Variants in MIOS observed in about 807,000 individuals in gnomAD.
The protein encoded by MIOS is GATOR2 complex protein MIOS.
MIOS carries 52 observed loss-of-function variants against 96.9 expected under a neutral mutation model. That is an observed-to-expected ratio of 0.54 (90% CI 0.43 to 0.68). The LOEUF is 0.68. Ranked by LOEUF, MIOS falls within the 30% of genes least tolerant of loss-of-function variation. The pLI, the probability that MIOS is intolerant of heterozygous loss-of-function variation, is 0.00. For synonymous variants in MIOS, 397 were observed against 359.5 expected, an observed-to-expected ratio of 1.10 and a Z score of -1.18; for missense variants, 1,005 against 1,052.8, an observed-to-expected ratio of 0.95 and a Z score of 0.63.
chr7:7,597,782 T>C (rs1424985723), intron 11 of MIOS, among the ~76,000 whole-genome samples: 1 of 151,702 alleles, frequency 6.6e-6, no homozygotes, highest in African/African-American at 2.4e-5. Flanking sequence ...CACGGCAACC[T>C]CTGCCTACTG....
chr7:7,577,893 A>G (rs1380615770), intron 5 of MIOS, among the ~76,000 whole-genome samples: 1 of 152,200 alleles, frequency 6.6e-6, no homozygotes, highest in Non-Finnish European at 1.5e-5. Context: ...AAAGGACAGT[A>G]GGGCAAGATA....
At chr7:7,595,853 A>G (rs1784189196) in intron 10 of MIOS, among the ~76,000 whole-genome samples, 1 of 152,190 alleles carries the variant, frequency 6.6e-6, no homozygotes, top group Admixed American at 6.5e-5. Context: ...TAAGTTTGTT[A>G]ACTCTCTTTG....
intron 5 of MIOS, among the ~76,000 whole-genome samples, chr7:7,580,709 T>G (rs1783685942): frequency 6.7e-6 from 1 of 150,256 alleles, no homozygotes; most frequent in East Asian, 2.0e-4. Flanking sequence ...TTTTTTTTTT[T>G]TTAAAGAGAC....
intron 9 of MIOS, among the ~76,000 whole-genome samples, chr7:7,590,059 A>C (rs936062919): frequency 6.6e-6 from 1 of 152,172 alleles, no homozygotes; most frequent in Non-Finnish European, 1.5e-5. Context: ...CCAGGCATAG[A>C]TTGCTGTCTA....
chr7:7,586,232 T>C (rs1476150057), intron 7 of MIOS, among the ~76,000 whole-genome samples: 4 of 151,894 alleles, frequency 2.6e-5, no homozygotes, highest in Non-Finnish European at 5.9e-5. Context: ...TGATCAGTTA[T>C]GGTGGAGGTG....
At position 7,606,082 on chromosome 7, in the gene MIOS, C is replaced by G. The variant is rs778406615; in HGVS notation, c.2531+11C>G. 1.7e-5 allele frequency: 28 copies of G among 1,612,962 alleles called. No homozygotes were observed. The South Asian group carries it at 2.4e-4, about 14-fold the overall frequency. ...GCTTAGTTGGTTCAGGTAATCAGCA[C>G]ATTTCTTCTTTGATAGGCTTGGAGT... On this transcript the variant is annotated intron_variant, in intron 12 of 12. Coordinates refer to ENST00000340080, the MANE Select transcript of MIOS (RefSeq NM_019005.4).
intron 8 of MIOS, 121 bp from the exon 9 acceptor site, chr7:7,589,284 A>T: frequency 1.3e-6 from 1 of 774,404 alleles, no homozygotes. Context: ...TTTATATTTT[A>T]GTAAAGTCTT....
intron 11 of MIOS, among the ~76,000 whole-genome samples, chr7:7,600,185 A>G (rs1441423230): frequency 1.5e-5 from 1 of 67,402 alleles, no homozygotes; most frequent in Non-Finnish European, 2.8e-5. Flanking sequence ...TAAAAAAAAG[A>G]AAAAGAAGCA....
At chr7:7,597,506 A>ATG (rs1784247063) in intron 11 of MIOS, among the ~76,000 whole-genome samples, 1 of 62,806 alleles carries the variant, frequency 1.6e-5, no homozygotes, top group Non-Finnish European at 3.3e-5. Flanking sequence ...ATATATATAT[A>ATG]TATATATATA....
chr7:7,576,627 CAAG>C (rs1384190887), intron 5 of MIOS, among the ~76,000 whole-genome samples: 3 of 152,052 alleles, frequency 2.0e-5, no homozygotes, highest in African/African-American at 7.2e-5. Context: ...TGGGCTAACT[CAAG>C]AAAGACTTAG....
In MIOS at chr7:7,574,180, T is replaced by C. The variant is rs767805625; in HGVS notation, c.1377T>C (p.Ile459=). 1 of 1,606,234 alleles carries C rather than the reference T, an allele frequency of 6.2e-7. No homozygotes were observed. The highest frequency in any genetic ancestry group is 8.5e-7 in the Non-Finnish European group (1 of 1,175,836). Residue 459 remains isoleucine (I), a synonymous_variant, in exon 5 of 13, where the codon ATT becomes ATC. Coordinates refer to ENST00000340080, the MANE Select transcript of MIOS (RefSeq NM_019005.4). ...GSLVYAGIKS[I]VKSSLGMVES... ...TGGTTTATGCAGGAATTAAATCAAT[T>C]GTAAAGTCATCGTTGGGTAAGAAAA...
intron 12 of MIOS, among the ~76,000 whole-genome samples, chr7:7,606,447 T>C (rs1436316372): frequency 6.6e-6 from 1 of 152,188 alleles, no homozygotes; most frequent in Non-Finnish European, 1.5e-5. Context: ...CTCAGTTCTC[T>C]TCTAAGTAAG....
intron 5 of MIOS, among the ~76,000 whole-genome samples, chr7:7,581,139 T>A (rs534405263): frequency 1.3e-5 from 2 of 149,766 alleles, no homozygotes; most frequent in Non-Finnish European, 3.0e-5. Flanking sequence ...CCGGCCAACA[T>A]GGCGAAACCC....
chr7:7,581,926 C>T (rs1355749221), intron 5 of MIOS: 2 of 151,802 alleles, frequency 1.3e-5, no homozygotes, highest in African/African-American at 4.8e-5. Context: ...AAAATGCTTT[C>T]ACCTCTGCTG....
In MIOS at chr7:7,606,040, G is replaced by A; in HGVS notation, c.2500G>A (p.Gly834Arg). 6.2e-7 allele frequency: 1 copy of A among 1,613,928 alleles called. No individual in the cohort carries two copies. Among genetic ancestry groups the A allele is most frequent in the Non-Finnish European group, 8.5e-7 (1 of 1,179,864 alleles). Residue 834 changes from glycine (G) to arginine (R), a missense_variant, in exon 12 of 13, where the codon GGA (glycine) becomes AGA (arginine). Gly to Arg is a moderately radical substitution (Grantham distance 125, BLOSUM62 -2). Transcript: ENST00000340080. ...FTWCHNCRHGGHAGHMLSWFR... is the reference protein window; with the variant it reads ...FTWCHNCRHGRHAGHMLSWFR... ...ATGGTGTCATAATTGCAGGCACGGT[G>A]GACATGCTGGACATATGCTTAGTTG...
At chr7:7,605,210 A>C (rs1255526143) in intron 11 of MIOS, 1 of 152,182 alleles carries the variant, frequency 6.6e-6, no homozygotes, top group Non-Finnish European at 1.5e-5. Context: ...AAGTTACACA[A>C]GTCTCATGAA....
At chr7:7,583,743 G>C (rs1423092700) in intron 6 of MIOS, among the ~76,000 whole-genome samples, 2 of 152,104 alleles carry the variant, frequency 1.3e-5, no homozygotes, top group Non-Finnish European at 2.9e-5. Context: ...CCATATTTGA[G>C]TGTTTTAGTT....
At chr7:7,578,791 A>G (rs1366770404) in intron 5 of MIOS, among the ~76,000 whole-genome samples, 4 of 152,058 alleles carry the variant, frequency 2.6e-5, no homozygotes, top group African/African-American at 9.7e-5. Flanking sequence ...GCTCACTGCA[A>G]CTTCCACCTC....
At chr7:7,592,748 C>G (rs942868883) in intron 9 of MIOS, among the ~76,000 whole-genome samples, 1 of 152,142 alleles carries the variant, frequency 6.6e-6, no homozygotes, top group African/African-American at 2.4e-5. Flanking sequence ...CACCACTGAT[C>G]TGACAGGAGG....
Sources: allele counts gnomAD v4.1 joint callset (sites outside exome capture counted in the v4.1 genomes callset), GRCh38; gene constraint gnomAD v4.1.1; transcripts MANE v1.5; gene names NCBI Gene and HGNC (gene_info 2026-07-23, HGNC 2026-07-21).